Variants in MORC1 observed in about 807,000 individuals in gnomAD.
MORC1 encodes MORC family CW-type zinc finger protein 1.
In MORC1, 59 loss-of-function variants were observed where a neutral mutation model predicts 134.9. That is an observed-to-expected ratio of 0.44 (90% confidence interval 0.35 to 0.54). The LOEUF is 0.54. Ranked by LOEUF, MORC1 falls within the 20% of genes least tolerant of loss-of-function variation. The probability of loss-of-function intolerance (pLI) is 0.00; values close to 1 mark genes in which losing one functional copy is unlikely to be tolerated. For missense variants in MORC1, 947 were observed against 1,134.5 expected, an observed-to-expected ratio of 0.83 and a Z score of 2.37; for synonymous variants, 395 against 391.7, an observed-to-expected ratio of 1.01 and a Z score of -0.10.
At chr3:108,985,847 G>A (rs77815811) in intron 22 of MORC1, among the ~76,000 whole-genome samples, 1,559 of 152,208 alleles carry the variant, frequency 0.01, 27 homozygotes, top group African/African-American at 0.034. Context: ...GTCTATAAAA[G>A]ATTGGCTTTA....
intron 14 of MORC1, among the ~76,000 whole-genome samples, chr3:109,051,927 T>C (rs1243716960): frequency 6.6e-6 from 1 of 152,062 alleles, no homozygotes; most frequent in African/African-American, 2.4e-5. Flanking sequence ...GGACTGAGTA[T>C]GACTCTCCTA....
intron 14 of MORC1, among the ~76,000 whole-genome samples, chr3:109,045,989 C>T (rs889263509): frequency 6.6e-6 from 1 of 152,040 alleles, no homozygotes; most frequent in Non-Finnish European, 1.5e-5. Flanking sequence ...CTTTTAGAAC[C>T]CCCACCCTCA....
chr3:109,000,567 T>A lies in MORC1; in HGVS notation c.2177A>T (p.Asp726Val), dbSNP rs1297358218. 1 of 1,604,960 alleles carries A rather than the reference T, an allele frequency of 6.2e-7. No individual in the cohort carries two copies. The highest frequency in any genetic ancestry group is 8.5e-7 in the Non-Finnish European group (1 of 1,175,042). Residue 726 changes from aspartate (D) to valine (V), a missense_variant, in exon 21 of 28, where the codon GAT becomes GTT. Coordinates refer to ENST00000232603, the MANE Select transcript of MORC1 (RefSeq NM_014429.4). ...TATAGTTTATCTCACCAGGATTATA[T>A]CTGAATCACTCGTGTTCTCATCTTC... is the stretch of plus-strand genomic sequence containing the variant. ...LTEDENTSDS[D>V]IILVSDKSNT...
intron 25 of MORC1, among the ~76,000 whole-genome samples, chr3:108,970,934 T>C (rs1947360026): frequency 6.6e-6 from 1 of 152,228 alleles, no homozygotes; most frequent in Non-Finnish European, 1.5e-5. Flanking sequence ...ATCTCAGTGA[T>C]GTCTTGGTGA....
chr3:109,094,819 CA>C (rs554884451), intron 7 of MORC1, 89 bp downstream of exon 7: 202 of 1,246,026 alleles, frequency 1.6e-4, no homozygotes, highest in Middle Eastern at 2.8e-4. Flanking sequence ...ATTATAAGAA[CA>C]AAAAAAATGA....
chr3:109,069,674 C>G lies in MORC1; in HGVS notation c.773G>C (p.Arg258Thr), dbSNP rs748609157. The change falls in exon 9 of 28, where the codon AGA becomes ACA. Residue 258 changes from arginine to threonine, a missense_variant. Physicochemically the swap from Arg to Thr is moderately conservative, Grantham distance 71 (BLOSUM62 -1). Around this residue, in one of 3 missense-constraint regions of MORC1, gnomAD observed 11 missense variants for 36.2 expected, o/e 0.30. Coordinates refer to ENST00000232603, the MANE Select transcript of MORC1 (RefSeq NM_014429.4). ...ATAGCAAAGATGTTTAGTTTTAACT[C>G]TCTTGGCTTGAATGAATATTCTCAT... ...PWMRIFIQAK[R>T]VKTKHLCYCL... 1.9e-6 allele frequency: 3 copies of G among 1,612,662 alleles called. No homozygotes were observed. The South Asian group carries it at 3.3e-5, about 18-fold the overall frequency.
intron 24 of MORC1, among the ~76,000 whole-genome samples, chr3:108,972,030 A>C (rs1469232118): frequency 6.6e-6 from 1 of 152,178 alleles, no homozygotes; most frequent in Non-Finnish European, 1.5e-5. Flanking sequence ...TCCTGAGAAA[A>C]ACCAAAGAGT....
intron 17 of MORC1, among the ~76,000 whole-genome samples, chr3:109,013,476 T>G (rs986880326): frequency 1.3e-5 from 2 of 152,250 alleles, no homozygotes; most frequent in African/African-American, 4.8e-5. Context: ...TTTCACATTT[T>G]CTACTAATGT....
At chr3:109,041,982 G>T (rs1301277239) in intron 14 of MORC1, among the ~76,000 whole-genome samples, 2 of 151,690 alleles carry the variant, frequency 1.3e-5, no homozygotes, top group African/African-American at 4.8e-5. Flanking sequence ...CAGAGCCTAA[G>T]AACTAGACAT....
At chr3:109,048,897 G>T (rs534483529) in intron 14 of MORC1, among the ~76,000 whole-genome samples, 6 of 152,210 alleles carry the variant, frequency 3.9e-5, no homozygotes, top group Middle Eastern at 6.8e-3. Context: ...GCTACTGGGA[G>T]CTAGGGCTTC....
At chr3:109,041,927 G>C (rs1576668855) in intron 14 of MORC1, among the ~76,000 whole-genome samples, 2 of 151,114 alleles carry the variant, frequency 1.3e-5, no homozygotes, top group East Asian at 3.9e-4. Flanking sequence ...CTGGGCAACA[G>C]AGTGAGACTC....
At position 109,099,402 on chromosome 3, in the gene MORC1, C is replaced by G. The variant is rs748339605; in HGVS notation, c.379G>C (p.Val127Leu). 1 of 1,613,160 alleles carries G rather than the reference C, an allele frequency of 6.2e-7. No individual in the cohort carries two copies. Among genetic ancestry groups the G allele is most frequent in the African/African-American group, 1.3e-5 (1 of 75,000 alleles). Residue 127 changes from valine (V) to leucine (L), a missense_variant, in exon 6 of 28, where the codon GTG (valine) becomes CTG (leucine). By Grantham distance (32) the Val-to-Leu change is conservative. Around this residue, in one of 3 missense-constraint regions of MORC1, gnomAD observed 214 missense variants for 281.3 expected, o/e 0.76. Transcript: ENST00000232603. ...TCACAGAATGTCTGAGAAAAAAACA[C>G]ACAGGTCATCGTTTCTTCCTTCTTC... ...FTKKEETMTC[V>L]FFSQTFCEEE...
intron 14 of MORC1, among the ~76,000 whole-genome samples, chr3:109,041,486 C>T (rs780837798): frequency 2.6e-5 from 4 of 151,842 alleles, no homozygotes; most frequent in South Asian, 4.2e-4. Context: ...CCGAGGTGGG[C>T]GGATCACCTG....
At chr3:109,074,330 A>C (rs1950378359) in intron 8 of MORC1, among the ~76,000 whole-genome samples, 2 of 152,198 alleles carry the variant, frequency 1.3e-5, no homozygotes, top group South Asian at 4.1e-4. Context: ...GTTTCTTACA[A>C]AGTTGAGTGA....
intron 8 of MORC1, among the ~76,000 whole-genome samples, chr3:109,091,550 G>C (rs1223355097): frequency 6.6e-6 from 1 of 152,084 alleles, no homozygotes; most frequent in Non-Finnish European, 1.5e-5. Context: ...AATCAACAAT[G>C]AAGTGGAATT....
intron 14 of MORC1, among the ~76,000 whole-genome samples, chr3:109,042,694 T>C (rs1400996544): frequency 6.6e-6 from 1 of 152,166 alleles, no homozygotes; most frequent in East Asian, 1.9e-4. Flanking sequence ...TGTCCATCAA[T>C]AGATAAAGGG....
At chr3:109,097,479 G>A (rs745914406) in intron 6 of MORC1, among the ~76,000 whole-genome samples, 13 of 152,178 alleles carry the variant, frequency 8.5e-5, no homozygotes, top group Non-Finnish European at 1.9e-4. Context: ...AGCTATGGAA[G>A]AAGATGTGAG....
intron 11 of MORC1, among the ~76,000 whole-genome samples, chr3:109,061,374 C>A (rs1261788201): frequency 1.3e-5 from 2 of 152,102 alleles, no homozygotes; most frequent in Non-Finnish European, 2.9e-5. Flanking sequence ...AGTTGCAATG[C>A]ATTATAATTA....
At chr3:109,007,428 C>G (rs1300412251) in intron 17 of MORC1, among the ~76,000 whole-genome samples, 1 of 152,182 alleles carries the variant, frequency 6.6e-6, no homozygotes, top group African/African-American at 2.4e-5. Flanking sequence ...CTACAGAGTA[C>G]AGGGTCTGGA....
Sources: gnomAD v4.1 joint callset for allele counts (sites outside exome capture counted in the v4.1 genomes callset) on GRCh38, gnomAD v4.1.1 for gene constraint, gnomAD v4.1.1 regional missense constraint, MANE v1.5 for transcripts, NCBI Gene and HGNC (gene_info 2026-07-23, HGNC 2026-07-21) for gene names.